Variants in PRSS23 observed in about 807,000 individuals in gnomAD.
PRSS23 encodes the protein serine protease 23.
PRSS23 carries 25 observed loss-of-function variants against 34.7 expected under a neutral mutation model. The observed-to-expected ratio is 0.72, with a 90% CI of 0.53 to 1.01. PRSS23 has a LOEUF of 1.01. PRSS23 is among the 50% of genes least tolerant of loss of function. The probability of loss-of-function intolerance (pLI) is 0.00; values close to 1 mark genes in which losing one functional copy is unlikely to be tolerated. For synonymous variants in PRSS23, 176 were observed against 186.6 expected (o/e 0.94, Z 0.46); for missense variants, 445 against 475.6 (o/e 0.94, Z 0.60).
chr11:86,903,051 T>C (rs1479455279), intron 2 of PRSS23, among the ~76,000 whole-genome samples: 1 of 152,154 alleles, frequency 6.6e-6, no homozygotes, highest in Non-Finnish European at 1.5e-5. Context: ...TTTCCAACAC[T>C]TAGATATCTT....
intron 2 of PRSS23, among the ~76,000 whole-genome samples, chr11:86,859,770 C>A (rs1300529314): frequency 6.6e-6 from 1 of 151,958 alleles, no homozygotes. Context: ...GGTGTACCTT[C>A]ACCCTGTGAT....
intron 2 of PRSS23, among the ~76,000 whole-genome samples, chr11:86,865,152 T>C (rs180851438): frequency 6.6e-6 from 1 of 152,274 alleles, no homozygotes; most frequent in East Asian, 1.9e-4. Flanking sequence ...CAGTGTGTAA[T>C]TTATCCTGGA....
intron 2 of PRSS23, chr11:86,947,083 G>C (rs1343441073): frequency 1.3e-5 from 2 of 153,242 alleles, no homozygotes; most frequent in Non-Finnish European, 2.9e-5. Flanking sequence ...CGCACCTGTA[G>C]TCCCAGCTCC....
chr11:86,821,232 T>C (rs1948249383), intron 1 of PRSS23: 1 of 550,604 alleles, frequency 1.8e-6, no homozygotes, highest in Non-Finnish European at 3.0e-6. Context: ...TTATATTTCA[T>C]CTAATTCATC....
downstream of PRSS23, among the ~76,000 whole-genome samples, chr11:86,815,375 A>G (rs781424039): frequency 3.9e-5 from 6 of 152,182 alleles, no homozygotes; most frequent in Non-Finnish European, 7.3e-5. Flanking sequence ...AGAGGTTTTT[A>G]TCTGTTGTGT....
intron 1 of PRSS23, among the ~76,000 whole-genome samples, chr11:86,805,799 A>G (rs569652485): frequency 6.6e-6 from 1 of 152,238 alleles, no homozygotes; most frequent in Admixed American, 6.5e-5. Context: ...CTACTTTTAT[A>G]TAAAAGGGAG....
At chr11:86,840,115 G>T (rs1044754921) in intron 2 of PRSS23, among the ~76,000 whole-genome samples, 7 of 152,192 alleles carry the variant, frequency 4.6e-5, no homozygotes, top group Non-Finnish European at 7.4e-5. Flanking sequence ...AACCTTAAAT[G>T]TAAGTGGGCT....
intron 1 of PRSS23, among the ~76,000 whole-genome samples, chr11:86,822,165 A>C (rs1458805417): frequency 1.3e-5 from 2 of 152,198 alleles, no homozygotes; most frequent in Non-Finnish European, 2.9e-5. Context: ...CCTACTATGC[A>C]AGGCATAGTA....
intron 2 of PRSS23, among the ~76,000 whole-genome samples, chr11:86,928,707 TTGGCAAG>T (rs1949102161): frequency 9.1e-5 from 6 of 65,886 alleles, no homozygotes; most frequent in Non-Finnish European, 1.3e-4. Flanking sequence ...AAAAAAAAAA[TTGGCAAG>T]ACATATACAG....
In PRSS23 at chr11:86,881,177, G is replaced by GT. The variant is rs201298742; in HGVS notation, c.206+57589dup. 4.7e-3 allele frequency among the ~76,000 whole-genome samples: 713 copies of GT among 150,468 alleles called. 10 individuals are homozygous for GT. The highest frequency in any genetic ancestry group is 0.017 in the African/African-American group (694 of 41,120). On this transcript the variant is annotated intron_variant, in intron 2 of 2. Coordinates refer to the PRSS23 transcript ENST00000533902. ...CTATTAAGTAGGATATTAACTGTGAGTTTTTGCTAGATTTCCTCAGGTTGA... is the reference window on the plus strand; with the variant it reads ...CTATTAAGTAGGATATTAACTGTGAGTTTTTTGCTAGATTTCCTCAGGTTGA...
At chr11:86,858,260 C>A (rs982660242) in intron 2 of PRSS23, among the ~76,000 whole-genome samples, 1 of 151,446 alleles carries the variant, frequency 6.6e-6, no homozygotes, top group African/African-American at 2.4e-5. Flanking sequence ...CAATATCGCA[C>A]GGAATTTACA....
intron 2 of PRSS23, among the ~76,000 whole-genome samples, chr11:86,891,433 G>A (rs1313980902): frequency 6.6e-6 from 1 of 152,142 alleles, no homozygotes; most frequent in Non-Finnish European, 1.5e-5. Context: ...AGGTACCAGT[G>A]TGTAATTATC....
At chr11:86,897,822 G>T (rs76858305) in intron 2 of PRSS23, among the ~76,000 whole-genome samples, 4,404 of 152,212 alleles carry the variant, frequency 0.029, 81 homozygotes, top group South Asian at 0.062. Context: ...GAGCAGAATG[G>T]TTTTACCTTG....
chr11:86,876,166 T>C (rs1054870261), intron 2 of PRSS23, among the ~76,000 whole-genome samples: 2 of 150,464 alleles, frequency 1.3e-5, no homozygotes, highest in East Asian at 2.0e-4. Flanking sequence ...ACCCAGAAGA[T>C]TGCATAGTGG....
chr11:86,920,046 C>T (rs1379576837), intron 2 of PRSS23, among the ~76,000 whole-genome samples: 1 of 152,170 alleles, frequency 6.6e-6, no homozygotes, highest in African/African-American at 2.4e-5. Context: ...GTGGTGAGGT[C>T]TGCGGTTTGG....
chr11:86,940,227 C>T (rs1949197852), intron 2 of PRSS23, among the ~76,000 whole-genome samples: 1 of 152,142 alleles, frequency 6.6e-6, no homozygotes, highest in Admixed American at 6.5e-5. Context: ...TCAAGATCTC[C>T]AGGGCTACTT....
At chr11:86,817,179 T>C (rs920211382) in intron 1 of PRSS23, among the ~76,000 whole-genome samples, 1 of 152,174 alleles carries the variant, frequency 6.6e-6, no homozygotes, top group Admixed American at 6.5e-5. Flanking sequence ...TGGGCTTCTG[T>C]TTCCCTCATG....
chr11:86,897,583 C>T (rs965244741), intron 2 of PRSS23, among the ~76,000 whole-genome samples: 9 of 152,164 alleles, frequency 5.9e-5, no homozygotes, highest in Non-Finnish European at 2.9e-5. Context: ...AGTAATCCTC[C>T]TGCCTCAGCC....
At chr11:86,887,384 A>G (rs538388647) in intron 2 of PRSS23, among the ~76,000 whole-genome samples, 1 of 148,364 alleles carries the variant, frequency 6.7e-6, no homozygotes, top group South Asian at 2.2e-4. Flanking sequence ...AGGGGTCAAA[A>G]AAACAGTCAG....
Sources: allele counts gnomAD v4.1 joint callset (sites outside exome capture counted in the v4.1 genomes callset), GRCh38; gene constraint gnomAD v4.1.1; transcripts MANE v1.5; gene names NCBI Gene and HGNC (gene_info 2026-07-23, HGNC 2026-07-21).